Variants in BPTF observed in about 807,000 individuals in gnomAD.
BPTF encodes bromodomain PHD finger transcription factor.
A neutral mutation model predicts 292.5 loss-of-function variants in BPTF; 18 were observed. That is an observed-to-expected ratio of 0.06 (90% CI 0.04 to 0.09). The LOEUF is 0.09. BPTF is among the 10% of genes least tolerant of loss of function. The probability of loss-of-function intolerance (pLI) is 1.00; values close to 1 mark genes in which losing one functional copy is unlikely to be tolerated. For missense variants in BPTF, 2,726 were observed against 3,498.7 expected (o/e 0.78, Z 5.57); for synonymous variants, 1,225 against 1,251.9 (o/e 0.98, Z 0.45).
chr17:67,837,540 T>C (rs2057228268), intron 1 of BPTF, among the ~76,000 whole-genome samples: 1 of 152,096 alleles, frequency 6.6e-6, no homozygotes, highest in Non-Finnish European at 1.5e-5. Flanking sequence ...CCTGAGTAGC[T>C]GTGATTAAAG....
rs763097831 is a variant in BPTF, at chr17:67,893,396, A to G, written c.2082A>G (p.Glu694=). The G allele has an allele frequency of 1.1e-5, 18 of 1,614,010 alleles. No homozygotes were observed. The highest frequency in any genetic ancestry group is 1.5e-5 in the Non-Finnish European group (18 of 1,179,998). The change falls in exon 6 of 28, where the codon GAA becomes GAG. Residue 694 remains glutamate, a synonymous_variant. Transcript: ENST00000306378. ...KEVLVVNSQG[E]ISRLSTKKEV... is the part of the protein sequence containing the mutation. ...TACTGGTAGTTAACTCTCAAGGAGA[A>G]ATTTCACGGTTGAGCACCAAAAAGG...
chr17:67,933,205 C>G (rs142120670), intron 18 of BPTF, among the ~76,000 whole-genome samples: 2,593 of 151,466 alleles, frequency 0.017, 65 homozygotes, highest in African/African-American at 0.055. Flanking sequence ...TTGCAGTGAG[C>G]CGAGATTGTG....
At chr17:67,964,123 G>C (rs1555685447) in intron 24 of BPTF, 89 bp from the exon 25 acceptor site, 1 of 1,344,316 alleles carries the variant, frequency 7.4e-7, no homozygotes, top group African/African-American at 1.5e-5. Context: ...TTATATCCCA[G>C]GGTTTAGCAA....
At position 67,890,025 on chromosome 17, in the gene BPTF, T is replaced by C. The variant is rs2061007493; in HGVS notation, c.1865-1819T>C. On this transcript the variant is annotated intron_variant, in intron 4 of 27. Transcript: ENST00000306378. Reference sequence around the variant, plus strand: ...AAATCTGTGGAATGTGAGATAATTTTAATTACCATACCTTAAAAATCGGGG... The same window carrying C: ...AAATCTGTGGAATGTGAGATAATTTCAATTACCATACCTTAAAAATCGGGG... Among the ~76,000 whole-genome samples, 4 of 152,356 alleles carry C rather than the reference T, an allele frequency of 2.6e-5. No individual in the cohort carries two copies. The South Asian group carries it at 8.3e-4, about 32-fold the overall frequency.
intron 23 of BPTF, among the ~76,000 whole-genome samples, chr17:67,950,243 A>G (rs2066218166): frequency 6.6e-6 from 1 of 151,976 alleles, no homozygotes; most frequent in Non-Finnish European, 1.5e-5. Flanking sequence ...CCTGGGCGAC[A>G]GAGTGAGACT....
At chr17:67,865,501 A>G (rs371943059) in intron 2 of BPTF, among the ~76,000 whole-genome samples, 24 of 152,324 alleles carry the variant, frequency 1.6e-4, no homozygotes, top group African/African-American at 5.5e-4. Context: ...AGACTCAGAG[A>G]GGCTGTGTCT....
Position 67,967,969 on chromosome 17 carries a change from T to C in BPTF, c.8539+1313T>C, listed in dbSNP as rs934340074. ...GGTCTCTTTGATCCTCTCATCCTTC[T>C]CCATTTACTTCTTCTTTTTCTGAAG... On this transcript the variant is annotated intron_variant, in intron 26 of 27. Transcript: ENST00000306378. 2.0e-5 allele frequency among the ~76,000 whole-genome samples: 3 copies of C among 151,482 alleles called. No homozygotes were observed. The South Asian group carries it at 6.2e-4, about 31-fold the overall frequency.
intron 2 of BPTF, among the ~76,000 whole-genome samples, chr17:67,856,743 T>A (rs1210350718): frequency 1.3e-5 from 2 of 152,216 alleles, no homozygotes; most frequent in Non-Finnish European, 1.5e-5. Flanking sequence ...TTCTGGTGGC[T>A]GAGTGGTGGA....
intron 3 of BPTF, among the ~76,000 whole-genome samples, chr17:67,873,488 G>A (rs960206817): frequency 3.3e-5 from 5 of 151,202 alleles, no homozygotes; most frequent in Non-Finnish European, 7.4e-5. Flanking sequence ...AAGAAAAACC[G>A]TGTTTCTTCT....
In BPTF at chr17:67,945,614, A is replaced by G; in HGVS notation, c.6906A>G (p.Gln2302=). ...AGACTCAGCCTGAAGTTCAGACCCAAACAACTGTTTCATCCCATGTCCCTT... is the reference window on the plus strand; with the variant it reads ...AGACTCAGCCTGAAGTTCAGACCCAGACAACTGTTTCATCCCATGTCCCTT... ...EVQTQPEVQT[Q]TTVSSHVPSE... is the part of the protein sequence containing the mutation. Residue 2302 remains glutamine (Q), a synonymous_variant, in exon 21 of 28, where the codon CAA becomes CAG. Transcript: ENST00000306378. 1 of 1,613,422 alleles carries G rather than the reference A, an allele frequency of 6.2e-7. No homozygotes were observed. The highest frequency in any genetic ancestry group is 8.5e-7 in the Non-Finnish European group (1 of 1,179,756).
intron 2 of BPTF, among the ~76,000 whole-genome samples, chr17:67,857,556 T>A (rs1190269995): frequency 6.6e-6 from 1 of 150,770 alleles, no homozygotes; most frequent in Non-Finnish European, 1.5e-5. Context: ...AGCCTCGACC[T>A]CCTGGGCTCA....
intron 23 of BPTF, among the ~76,000 whole-genome samples, chr17:67,958,633 G>T (rs1458800259): frequency 6.6e-6 from 1 of 151,908 alleles, no homozygotes; most frequent in Non-Finnish European, 1.5e-5. Flanking sequence ...GGAGGCTGAG[G>T]CAGGAGAATC....
intron 23 of BPTF, among the ~76,000 whole-genome samples, chr17:67,949,420 C>G (rs7223357): frequency 0.22 from 33,187 of 151,370 alleles, 4,274 homozygotes; most frequent in East Asian, 0.68. Context: ...ACTAAAAATA[C>G]AAAAATTAGC....
intron 27 of BPTF, among the ~76,000 whole-genome samples, chr17:67,976,620 A>C (rs2069455963): frequency 6.7e-6 from 1 of 148,874 alleles, no homozygotes; most frequent in Non-Finnish European, 1.5e-5. Context: ...CAGGAGTTCA[A>C]GGCTGCCGTG....
At chr17:67,944,476 C>T (rs2065642786) in intron 20 of BPTF, 104 bp downstream of exon 20, 2 of 1,320,846 alleles carry the variant, frequency 1.5e-6, no homozygotes, top group Non-Finnish European at 2.1e-6. Flanking sequence ...AAGGATATGC[C>T]TCAAGCCAGT....
At chr17:67,928,830 T>G (rs2064129845) in intron 16 of BPTF, 1 of 937,072 alleles carries the variant, frequency 1.1e-6, no homozygotes, top group Non-Finnish European at 1.4e-6. Context: ...TCACTTTGAG[T>G]GGAGAGGAAT....
At chr17:67,974,834 C>T (rs1388687318) in intron 26 of BPTF, 10 of 152,350 alleles carry the variant, frequency 6.6e-5, no homozygotes, top group African/African-American at 1.9e-4. Flanking sequence ...GGAAGCTCTC[C>T]GAACCCGGTC....
At chr17:67,939,746 G>GGC (rs2065214295) in intron 18 of BPTF, among the ~76,000 whole-genome samples, 2 of 152,162 alleles carry the variant, frequency 1.3e-5, no homozygotes, top group Admixed American at 1.3e-4. Context: ...CGGGTGTGGT[G>GGC]GGACATGCCT....
chr17:67,829,445 G>A (rs1420367122), intron 1 of BPTF, among the ~76,000 whole-genome samples: 5 of 151,378 alleles, frequency 3.3e-5, no homozygotes, highest in Non-Finnish European at 7.4e-5. Context: ...CTTACCGACC[G>A]GCCCTCTAAG....
Sources: allele counts gnomAD v4.1 joint callset (sites outside exome capture counted in the v4.1 genomes callset), GRCh38; gene constraint gnomAD v4.1.1; transcripts MANE v1.5; gene names NCBI Gene and HGNC (gene_info 2026-07-23, HGNC 2026-07-21).